MPPED1: variants seen among roughly 807,000 people sequenced by gnomAD.
MPPED1 encodes metallophosphoesterase domain containing 1.
A neutral mutation model predicts 36.2 loss-of-function variants in MPPED1; 16 were observed. The ratio of observed to expected loss-of-function variants is 0.44; its 90% CI spans 0.30 to 0.67. The LOEUF (loss-of-function observed/expected upper bound fraction) is 0.67, where lower values mean the gene tolerates loss of function less well. MPPED1 is among the 30% of genes least tolerant of loss of function. The probability of loss-of-function intolerance (pLI) is 0.10; values close to 1 mark genes in which losing one functional copy is unlikely to be tolerated. For missense variants in MPPED1, 307 were observed against 453.4 expected (o/e 0.68, Z 2.93); for synonymous variants, 199 against 191.3 (o/e 1.04, Z -0.33).
At chr22:43,494,308 G>T (rs1191062680) in intron 4 of MPPED1, among the ~76,000 whole-genome samples, 1 of 152,212 alleles carries the variant, frequency 6.6e-6, no homozygotes, top group Admixed American at 6.5e-5. Context: ...CCAAAGCACT[G>T]GGATTACAGG....
At chr22:43,447,696 T>A (rs1168984038) in intron 3 of MPPED1, among the ~76,000 whole-genome samples, 1 of 151,406 alleles carries the variant, frequency 6.6e-6, no homozygotes, top group Admixed American at 6.6e-5. Context: ...AGTGCTCAAG[T>A]GCAGATTACA....
In MPPED1 at chr22:43,506,835, G is replaced by A. The variant is rs894168770; in HGVS notation, c.*1219G>A. The A allele has an allele frequency of 2.6e-5, 4 of 152,242 alleles. No individual in the cohort carries two copies. The highest frequency in any genetic ancestry group is 9.6e-5 in the African/African-American group (4 of 41,536). The allele number at this position is 152,242 out of a possible 1,614,324, so 9.4% of individuals were successfully genotyped here. A position where few individuals can be genotyped will look rare whatever the true frequency, so the allele number is the denominator to read the frequency against. On this transcript the variant is annotated 3_prime_UTR_variant, in exon 7 of 7. Transcript: ENST00000443721. Reference sequence around the variant, plus strand: ...GGCAAGTTCAGGGTCAGATTCTGTCGTTATTTAATATTTTGTTCATCATGG... The same window carrying A: ...GGCAAGTTCAGGGTCAGATTCTGTCATTATTTAATATTTTGTTCATCATGG...
At chr22:43,501,636 T>C (rs564402569) in intron 5 of MPPED1, among the ~76,000 whole-genome samples, 1 of 152,158 alleles carries the variant, frequency 6.6e-6, no homozygotes, top group Admixed American at 6.5e-5. Flanking sequence ...TCCGGCCTCA[T>C]GCATGGTGGG....
intron 4 of MPPED1, among the ~76,000 whole-genome samples, chr22:43,482,465 G>A (rs1024704519): frequency 5.9e-5 from 9 of 152,182 alleles, no homozygotes; most frequent in African/African-American, 2.2e-4. Flanking sequence ...CTCTGTGGGA[G>A]CCAGTGGCCT....
intron 3 of MPPED1, among the ~76,000 whole-genome samples, chr22:43,442,229 G>C (rs1414785744): frequency 6.6e-6 from 1 of 151,984 alleles, no homozygotes; most frequent in African/African-American, 2.4e-5. Flanking sequence ...GTTCATGGCT[G>C]TCTGTCCCCT....
intron 3 of MPPED1, among the ~76,000 whole-genome samples, chr22:43,473,797 G>T (rs1054037519): frequency 6.6e-6 from 1 of 152,098 alleles, no homozygotes; most frequent in Non-Finnish European, 1.5e-5. Flanking sequence ...GAGGCCTGCC[G>T]GGCAGCTGCC....
Position 43,479,166 on chromosome 22 carries a change from CG to C in MPPED1, c.632+4211del, listed in dbSNP as rs766899890. 2.0e-4 allele frequency among the ~76,000 whole-genome samples: 30 copies of C among 152,246 alleles called. 1 individual carries two copies. The highest frequency in any genetic ancestry group is 3.4e-3 in the Middle Eastern group (1 of 294). On this transcript the variant is annotated intron_variant, in intron 4 of 6. Transcript: ENST00000443721. The stretch of plus-strand genomic sequence containing the variant: ...CCACCCGGGCATATGGCAGCTCATT[CG>C]GGGGGTGCAGGTGATGGAGCTGCTT...
chr22:43,456,106 C>A (rs1930743982), intron 3 of MPPED1, among the ~76,000 whole-genome samples: 2 of 152,170 alleles, frequency 1.3e-5, no homozygotes, highest in Admixed American at 1.3e-4. Flanking sequence ...AGTTTTATTT[C>A]TTCCCTTCCG....
intron 4 of MPPED1, among the ~76,000 whole-genome samples, chr22:43,479,908 G>C (rs1931696129): frequency 6.6e-6 from 1 of 152,178 alleles, no homozygotes; most frequent in Non-Finnish European, 1.5e-5. Flanking sequence ...TGTCACCCTA[G>C]CTGGAGTACA....
At chr22:43,415,224 G>GC (rs754526523) in intron 1 of MPPED1, among the ~76,000 whole-genome samples, 1 of 4,980 alleles carries the variant, frequency 2.0e-4, no homozygotes, top group African/African-American at 5.7e-4. Flanking sequence ...AATGTCAAAA[G>GC]CAAAAAAAAA....
At chr22:43,495,662 G>GAGA (rs1569088932) in intron 4 of MPPED1, among the ~76,000 whole-genome samples, 5 of 84,730 alleles carry the variant, frequency 5.9e-5, no homozygotes, top group Non-Finnish European at 4.9e-5. Context: ...GGTAGTGGTG[G>GAGA]TGGAGGTGGT....
At chr22:43,498,166 C>A (rs1602022549) in intron 4 of MPPED1, 69 bp from the exon 5 acceptor site, 4 of 1,272,734 alleles carry the variant, frequency 3.1e-6, no homozygotes, top group Non-Finnish European at 3.3e-6. Flanking sequence ...CCGTGGGGAG[C>A]TCCGCATTCC....
intron 2 of MPPED1, among the ~76,000 whole-genome samples, chr22:43,429,778 G>A (rs11912294): frequency 0.036 from 5,498 of 152,300 alleles, 280 homozygotes; most frequent in African/African-American, 0.11. Context: ...CTCAGAAGGA[G>A]TGTCAGGGAT....
intron 4 of MPPED1, among the ~76,000 whole-genome samples, chr22:43,479,136 G>C (rs1248373106): frequency 6.6e-6 from 1 of 152,152 alleles, no homozygotes; most frequent in Non-Finnish European, 1.5e-5. Flanking sequence ...CTCCCCTGGC[G>C]CCGGCCACCC....
At chr22:43,484,554 C>A (rs145249992) in intron 4 of MPPED1, among the ~76,000 whole-genome samples, 57 of 152,356 alleles carry the variant, frequency 3.7e-4, no homozygotes, top group Admixed American at 3.5e-3. Flanking sequence ...AGCACTGGGT[C>A]CTGCATCTGT....
chr22:43,476,671 A>G (rs531433826), intron 4 of MPPED1, among the ~76,000 whole-genome samples: 1 of 152,214 alleles, frequency 6.6e-6, no homozygotes, highest in Non-Finnish European at 1.5e-5. Context: ...GGGCTGTCTC[A>G]TCTTCCCTGG....
intron 4 of MPPED1, among the ~76,000 whole-genome samples, chr22:43,489,317 C>T (rs111857941): frequency 0.016 from 2,490 of 152,150 alleles, 63 homozygotes; most frequent in African/African-American, 0.057. Flanking sequence ...CGGGGGCTGT[C>T]CAGGCCTCAT....
chr22:43,475,862 T>C (rs534285008), intron 4 of MPPED1, among the ~76,000 whole-genome samples: 2 of 137,794 alleles, frequency 1.5e-5, no homozygotes, highest in East Asian at 5.0e-4. Flanking sequence ...GTGATGATGA[T>C]GGCGATGCTG....
intron 3 of MPPED1, among the ~76,000 whole-genome samples, chr22:43,450,532 C>T (rs1173432215): frequency 6.6e-6 from 1 of 152,144 alleles, no homozygotes; most frequent in African/African-American, 2.4e-5. Flanking sequence ...CTCTGAGCCT[C>T]AGTTTTCTCA....
Sources: gnomAD v4.1 joint callset for allele counts (sites outside exome capture counted in the v4.1 genomes callset) on GRCh38, gnomAD v4.1.1 for gene constraint, MANE v1.5 for transcripts, NCBI Gene and HGNC (gene_info 2026-07-23, HGNC 2026-07-21) for gene names.